The following KCNIP1 variants were observed in gnomAD, a reference collection of about 807,000 sequenced individuals.
KCNIP1 encodes potassium voltage-gated channel interacting protein 1.
KCNIP1 carries 18 observed loss-of-function variants against 33.0 expected under a neutral mutation model. That is an observed-to-expected ratio of 0.55 (90% CI 0.38 to 0.81). KCNIP1 has a LOEUF of 0.81. Ranked by LOEUF, KCNIP1 falls within the 30% of genes least tolerant of loss-of-function variation. The pLI is 0.00. For missense variants in KCNIP1, 238 were observed against 271.6 expected (o/e 0.88, Z 0.87); for synonymous variants, 93 against 98.3 (o/e 0.95, Z 0.32).
At chr5:170,442,304 C>A (rs537348610) in intron 1 of KCNIP1, among the ~76,000 whole-genome samples, 3 of 152,246 alleles carry the variant, frequency 2.0e-5, no homozygotes, top group African/African-American at 7.2e-5. Context: ...GAGAGGTCAT[C>A]GGGGCCAGAT....
intron 1 of KCNIP1, among the ~76,000 whole-genome samples, chr5:170,379,736 C>A (rs1415460300): frequency 1.3e-5 from 2 of 152,098 alleles, no homozygotes; most frequent in African/African-American, 4.8e-5. Context: ...ATCCCTTGAG[C>A]CCAGGAGTTC....
chr5:170,522,426 G>A lies in KCNIP1; in HGVS notation c.61+17793G>A, dbSNP rs184440112. ...CTGCCTCAGGGAGAGACAATGCCAG[G>A]CATGACAACTTCAGCATTCTTGTTC... On this transcript the variant is annotated intron_variant, in intron 1 of 7. Transcript: ENST00000328939. Among the ~76,000 whole-genome samples, 345 of 152,306 alleles carry A rather than the reference G, an allele frequency of 2.3e-3. 3 individuals are homozygous for A. The highest frequency in any genetic ancestry group is 4.2e-3 in the Non-Finnish European group (284 of 68,012).
intron 1 of KCNIP1, among the ~76,000 whole-genome samples, chr5:170,625,931 CA>C (rs1759803926): frequency 2.6e-5 from 4 of 152,130 alleles, no homozygotes; most frequent in African/African-American, 9.7e-5. Flanking sequence ...GGGGGATGGG[CA>C]TTGCAGGCAA....
intron 1 of KCNIP1, among the ~76,000 whole-genome samples, chr5:170,711,836 TG>T (rs1197710285): frequency 3.5e-5 from 4 of 114,376 alleles, no homozygotes; most frequent in African/African-American, 1.7e-4. Flanking sequence ...AGGAAATGAG[TG>T]AAAACACTCC....
intron 1 of KCNIP1, among the ~76,000 whole-genome samples, chr5:170,513,979 G>T (rs1561661170): frequency 6.6e-6 from 1 of 152,214 alleles, no homozygotes; most frequent in Non-Finnish European, 1.5e-5. Flanking sequence ...AAACGTAGAT[G>T]CAGGGAGGTT....
At chr5:170,593,421 G>A (rs558283904) in intron 1 of KCNIP1, among the ~76,000 whole-genome samples, 61 of 152,310 alleles carry the variant, frequency 4.0e-4, no homozygotes, top group African/African-American at 1.3e-3. Context: ...GAGATATCAC[G>A]GAGAGGGGAG....
At chr5:170,691,849 C>G (rs542032771) in intron 1 of KCNIP1, among the ~76,000 whole-genome samples, 1 of 141,194 alleles carries the variant, frequency 7.1e-6, no homozygotes, top group Non-Finnish European at 1.6e-5. Flanking sequence ...GAGGGGGCGC[C>G]GAAACACCAC....
intron 1 of KCNIP1, among the ~76,000 whole-genome samples, chr5:170,361,984 T>C (rs1763525268): frequency 6.6e-6 from 1 of 152,204 alleles, no homozygotes; most frequent in East Asian, 1.9e-4. Flanking sequence ...AGTCTCTTCA[T>C]CTCTAAAATG....
rs1760401908 is a variant in KCNIP1 at position 170,638,785 on chromosome 5, C to T, written c.62-79973C>T. On this transcript the variant is annotated intron_variant, in intron 1 of 7. Coordinates refer to ENST00000328939, the MANE Select transcript of KCNIP1 (RefSeq NM_014592.4). ...AGTCATGTGGCCATTGCCCACACTACAACGACAGAGGAAGCCTCAGGGGAA... is the reference window on the plus strand; with the variant it reads ...AGTCATGTGGCCATTGCCCACACTATAACGACAGAGGAAGCCTCAGGGGAA... 2.6e-5 allele frequency among the ~76,000 whole-genome samples: 4 copies of T among 152,244 alleles called. No individual in the cohort carries two copies. In the South Asian group the frequency reaches 8.3e-4, roughly 32 times the overall value.
chr5:170,504,746 C>T lies in KCNIP1; in HGVS notation c.61+113C>T. On this transcript the variant is annotated intron_variant, in intron 1 of 7. Coordinates refer to ENST00000328939, the MANE Select transcript of KCNIP1 (RefSeq NM_014592.4). The surrounding 1 kb of genome is among the most constrained non-coding windows in gnomAD (Gnocchi z 6.0). ...CGGACTCTCCTCTCCACGAGGAGCC[C>T]GGACAGGTGCTTGTATCCAAAGGAG... The T allele has an allele frequency of 2.3e-6, 2 of 855,094 alleles. No individual in the cohort carries two copies. Among genetic ancestry groups the T allele is most frequent in the Admixed American group, 2.0e-5 (1 of 50,702 alleles). 53.0% of individuals were successfully genotyped at this position (855,094 alleles called of 1,614,324 possible).
chr5:170,410,478 C>T (rs1755157184), intron 1 of KCNIP1, among the ~76,000 whole-genome samples: 1 of 151,628 alleles, frequency 6.6e-6, no homozygotes, highest in African/African-American at 2.4e-5. Context: ...TGTTCTTGCA[C>T]CCTGAAATGG....
chr5:170,526,859 A>C (rs960808532), intron 1 of KCNIP1, among the ~76,000 whole-genome samples: 2 of 151,436 alleles, frequency 1.3e-5, no homozygotes, highest in East Asian at 3.9e-4. Flanking sequence ...AGTAGCTGGG[A>C]TTACAGGTGC....
chr5:170,530,925 C>G (rs1755765027), intron 1 of KCNIP1, among the ~76,000 whole-genome samples: 1 of 152,136 alleles, frequency 6.6e-6, no homozygotes, highest in East Asian at 1.9e-4. Flanking sequence ...GCAGAGGCCT[C>G]CATGGTAGGG....
chr5:170,680,438 C>A, intron 1 of KCNIP1: 1 of 152,272 alleles, frequency 6.6e-6, no homozygotes. Flanking sequence ...CCTGATTACC[C>A]ATCTAATAAT....
At chr5:170,649,942 A>C (rs1760972300) in intron 1 of KCNIP1, among the ~76,000 whole-genome samples, 1 of 152,180 alleles carries the variant, frequency 6.6e-6, no homozygotes, top group African/African-American at 2.4e-5. Flanking sequence ...AGTTGGGGGT[A>C]AGTAAGAGAA....
intron 1 of KCNIP1, among the ~76,000 whole-genome samples, chr5:170,660,413 C>A (rs1161802778): frequency 6.6e-6 from 1 of 150,844 alleles, no homozygotes; most frequent in Non-Finnish European, 1.5e-5. Flanking sequence ...TAAAGTAAAT[C>A]ACAGTGCAGT....
At chr5:170,383,958 TG>T in intron 1 of KCNIP1, 3 of 1,157,712 alleles carry the variant, frequency 2.6e-6, no homozygotes, top group Non-Finnish European at 3.7e-6. Context: ...GATCCAGGAC[TG>T]GGATCCTCAT....
At chr5:170,415,950 C>T (rs1755318465) in intron 1 of KCNIP1, among the ~76,000 whole-genome samples, 1 of 152,100 alleles carries the variant, frequency 6.6e-6, no homozygotes, top group South Asian at 2.1e-4. Flanking sequence ...CAGGCAGGAA[C>T]AGGTTTGCCT....
chr5:170,417,590 C>CA (rs1561615865), intron 1 of KCNIP1, among the ~76,000 whole-genome samples: 2 of 152,208 alleles, frequency 1.3e-5, no homozygotes, highest in African/African-American at 4.8e-5. Flanking sequence ...TCTGACCCTG[C>CA]AAAACCCTCT....
Sources: gnomAD v4.1 joint callset for allele counts (sites outside exome capture counted in the v4.1 genomes callset) on GRCh38, gnomAD v4.1.1 for gene constraint, Gnocchi (gnomAD v3.1) non-coding constraint, MANE v1.5 for transcripts, NCBI Gene and HGNC (gene_info 2026-07-23, HGNC 2026-07-21) for gene names.